SCUBE2: variants seen among roughly 807,000 people sequenced by gnomAD.
SCUBE2 encodes the protein signal peptide, CUB domain and EGF like domain containing 2, also known as signal peptide, CUB and EGF-like domain-containing protein 2.
A neutral mutation model predicts 125.9 loss-of-function variants in SCUBE2; 114 were observed. That is an observed-to-expected ratio of 0.91 (90% CI 0.78 to 1.06). The LOEUF (loss-of-function observed/expected upper bound fraction) is 1.06. Ranked by LOEUF, SCUBE2 falls within the 50% of genes least tolerant of loss-of-function variation. The pLI, the probability that SCUBE2 is intolerant of heterozygous loss-of-function variation, is 0.00. For synonymous variants in SCUBE2, 459 were observed against 492.9 expected, an observed-to-expected ratio of 0.93 and a Z score of 0.91; for missense variants, 1,255 against 1,301.8, an observed-to-expected ratio of 0.96 and a Z score of 0.55.
rs569480336 is a variant in SCUBE2, at chr11:9,069,550, C to G, written c.518-55G>C. 3.1e-6 allele frequency: 5 copies of G among 1,608,878 alleles called. No individual in the cohort carries two copies. In the East Asian group the frequency reaches 1.1e-4, roughly 36 times the overall value. On this transcript the variant is annotated intron_variant, in intron 4 of 22. Coordinates refer to ENST00000649792, the MANE Select transcript of SCUBE2 (RefSeq NM_001367977.2). ...TAGGCTGTGGTCAGAATCCTGAGCC[C>G]TGGGAGAGCGGCAAAGGGCTAAGGG...
chr11:9,036,758 C>T (rs1856785014), intron 16 of SCUBE2, among the ~76,000 whole-genome samples: 1 of 152,244 alleles, frequency 6.6e-6, no homozygotes, highest in Non-Finnish European at 1.5e-5. Context: ...GCTCCTGCTG[C>T]TCTGCTGTCC....
Position 9,047,954 on chromosome 11 carries a change from T to C in SCUBE2, c.1784A>G (p.Lys595Arg). The change falls in exon 15 of 23, where the codon AAG becomes AGG. Residue 595 changes from lysine (K) to arginine (R), a missense_variant. By Grantham distance (26) the Lys-to-Arg change is conservative. Transcript: ENST00000649792. ...GTTTTCAAACCAACCTGTCACCTCC[T>C]TTTGGTTAGTTTCAAGCTCAAACTC... is the stretch of plus-strand genomic sequence containing the variant. ...TVEFELETNQKEVTASCDLSC... is the reference protein window; with the variant it reads ...TVEFELETNQREVTASCDLSC... The C allele has an allele frequency of 1.2e-6, 2 of 1,611,432 alleles. No homozygotes were observed. Among genetic ancestry groups the C allele is most frequent in the South Asian group, 2.2e-5 (2 of 90,766 alleles).
chr11:9,071,111 G>A (rs182025158), intron 4 of SCUBE2, among the ~76,000 whole-genome samples: 152 of 152,334 alleles, frequency 1.0e-3, no homozygotes, highest in African/African-American at 3.5e-3. Flanking sequence ...CCCAGAAAGC[G>A]TTGTGTTTGT....
rs772259083 is a variant in SCUBE2 at position 9,074,555 on chromosome 11, C to T, written c.443G>A (p.Gly148Glu). 4 of 1,614,080 alleles carry T rather than the reference C, an allele frequency of 2.5e-6. No homozygotes were observed. The highest frequency in any genetic ancestry group is 1.7e-5 in the Admixed American group (1 of 60,008). The change falls in exon 4 of 23, where the codon GGG (glycine) becomes GAG (glutamate). Residue 148 changes from glycine to glutamate, a missense_variant. Physicochemically the swap from Gly to Glu is moderately conservative, Grantham distance 98. Coordinates refer to ENST00000649792, the MANE Select transcript of SCUBE2 (RefSeq NM_001367977.2). ...GCQHTCVNVMGSYECCCKEGF... is the reference protein window; with the variant it reads ...GCQHTCVNVMESYECCCKEGF... ...CTCCTTGCAGCAGCACTCATAGCTC[C>T]CCATGACGTTGACACAGGTATGCTG...
rs535775542 is a variant in SCUBE2, at chr11:9,034,713, G to A, written c.2003-917C>T. Among the ~76,000 whole-genome samples, 6 of 152,282 alleles carry A rather than the reference G, an allele frequency of 3.9e-5. No individual in the cohort carries two copies. In the East Asian group the frequency reaches 1.2e-3, roughly 29 times the overall value. On this transcript the variant is annotated intron_variant, in intron 16 of 22. Transcript: ENST00000649792. ...ACAATACAACAGGCTGTGCGCAGTGGCTCACACCTATGATCCCAGCACTTT... is the reference window on the plus strand; with the variant it reads ...ACAATACAACAGGCTGTGCGCAGTGACTCACACCTATGATCCCAGCACTTT...
intron 16 of SCUBE2, among the ~76,000 whole-genome samples, chr11:9,038,128 C>T (rs1308278546): frequency 7.4e-6 from 1 of 134,484 alleles, no homozygotes; most frequent in African/African-American, 2.7e-5. Flanking sequence ...AGAGAAGAGA[C>T]ATGACCCTGT....
At chr11:9,045,602 GACAGACAGACAC>G (rs56171705) in intron 16 of SCUBE2, among the ~76,000 whole-genome samples, 6,131 of 74,968 alleles carry the variant, frequency 0.082, 144 homozygotes, top group Non-Finnish European at 0.12. Context: ...CTAGAAGACA[GACAGACAGACAC>G]ACACACACAC....
rs142385633 is a variant in SCUBE2, at chr11:9,075,538, G to C, written c.383-923C>G. 1.6e-4 allele frequency among the ~76,000 whole-genome samples: 25 copies of C among 152,356 alleles called. 1 individual carries two copies. Among genetic ancestry groups the C allele is most frequent in the African/African-American group, 5.3e-4 (22 of 41,566 alleles). ...CATGAGGGAGGTTACAGGAGATACA[G>C]CTGGGAGGACAGACTGGGGTCACAC... On this transcript the variant is annotated intron_variant, in intron 3 of 22. Transcript: ENST00000649792.
chr11:9,060,226 A>T (rs1564829080), intron 8 of SCUBE2, among the ~76,000 whole-genome samples, 182 bp downstream of exon 8: 1 of 152,212 alleles, frequency 6.6e-6, no homozygotes, highest in Non-Finnish European at 1.5e-5. Flanking sequence ...GTTCTAATTA[A>T]GCTTACTCAG....
intron 5 of SCUBE2, among the ~76,000 whole-genome samples, 200 bp downstream of exon 5, chr11:9,069,170 T>C (rs906902242): frequency 9.9e-5 from 15 of 152,192 alleles, no homozygotes; most frequent in African/African-American, 3.6e-4. Flanking sequence ...TGAGTTCCTT[T>C]TTAAAATATC....
chr11:9,082,842 A>G (rs1006329775), intron 2 of SCUBE2, among the ~76,000 whole-genome samples: 1 of 152,232 alleles, frequency 6.6e-6, no homozygotes, highest in African/African-American at 2.4e-5. Flanking sequence ...TTAGCTGTAC[A>G]AGAACACGGG....
chr11:9,052,358 C>T (rs1858502585), intron 13 of SCUBE2, among the ~76,000 whole-genome samples: 1 of 152,234 alleles, frequency 6.6e-6, no homozygotes, highest in Admixed American at 6.5e-5. Flanking sequence ...AGGGTTTGGG[C>T]CCCTTTCTCG....
intron 18 of SCUBE2, chr11:9,030,360 T>C (rs1856199390): frequency 7.1e-6 from 3 of 424,976 alleles, no homozygotes; most frequent in Admixed American, 3.8e-5. Context: ...GGGCAGGCAG[T>C]TGCAGAACTG....
At chr11:9,033,854 G>T in intron 16 of SCUBE2, 58 bp from the exon 17 acceptor site, 2 of 1,572,356 alleles carry the variant, frequency 1.3e-6, no homozygotes, top group African/African-American at 1.3e-5. Context: ...GAAGGATGAT[G>T]TGAGTTCTAG....
chr11:9,069,593 C>T (rs1388746771), intron 4 of SCUBE2, 98 bp from the exon 5 acceptor site: 4 of 1,475,428 alleles, frequency 2.7e-6, no homozygotes, highest in African/African-American at 2.8e-5. Context: ...ACAGATCTGT[C>T]TGCTTAGGTC....
chr11:9,030,859 G>T lies in SCUBE2; in HGVS notation c.2240C>A (p.Thr747Lys). The change falls in exon 18 of 23, where the codon ACG becomes AAG. Residue 747 changes from threonine to lysine, a missense_variant. Thr to Lys is a moderately conservative substitution (Grantham distance 78). Coordinates refer to ENST00000649792, the MANE Select transcript of SCUBE2 (RefSeq NM_001367977.2). Reference protein sequence around the residue: ...FAPCQLCALGTFQPEAGRTSC... With the variant: ...FAPCQLCALGKFQPEAGRTSC... ...AGTTCGACCAGCTTCAGGCTGGAAC[G>T]TGCCCAGGGCACAGAGCTGGCAAGG... 1 of 1,614,204 alleles carries T rather than the reference G, an allele frequency of 6.2e-7. No individual in the cohort carries two copies. Among genetic ancestry groups the T allele is most frequent in the African/African-American group, 1.3e-5 (1 of 75,078 alleles).
At position 9,041,401 on chromosome 11, in the gene SCUBE2, G is replaced by C. The variant is rs987700095; in HGVS notation, c.2002+5955C>G. ...TCACCAAGGAGAGTGTGAAGACAGA[G>C]GAAGGGACGAAGGATTCAACCCTAG... is the stretch of plus-strand genomic sequence containing the variant. On this transcript the variant is annotated intron_variant, in intron 16 of 22. Coordinates refer to ENST00000649792, the MANE Select transcript of SCUBE2 (RefSeq NM_001367977.2). Among the ~76,000 whole-genome samples the C allele has an allele frequency of 3.3e-5, 5 of 152,298 alleles. No individual in the cohort carries two copies. The East Asian group carries it at 9.6e-4, about 29-fold the overall frequency.
At chr11:9,043,463 A>ATTT (rs151177606) in intron 16 of SCUBE2, among the ~76,000 whole-genome samples, 1 of 146,860 alleles carries the variant, frequency 6.8e-6, no homozygotes, top group Non-Finnish European at 1.5e-5. Flanking sequence ...CCCTATAATC[A>ATTT]TTTTTTTTTT....
chr11:9,085,093 A>T (rs529894927), intron 2 of SCUBE2, among the ~76,000 whole-genome samples: 4 of 152,292 alleles, frequency 2.6e-5, no homozygotes, highest in African/African-American at 9.6e-5. Flanking sequence ...AGTGAGCAGT[A>T]CTCATCAAAA....
Sources: allele counts gnomAD v4.1 joint callset (sites outside exome capture counted in the v4.1 genomes callset), GRCh38; gene constraint gnomAD v4.1.1; transcripts MANE v1.5; gene names NCBI Gene and HGNC (gene_info 2026-07-23, HGNC 2026-07-21).